The following CFAP46 variants were observed in gnomAD, a reference collection of about 807,000 sequenced individuals.
The protein encoded by CFAP46 is cilia- and flagella-associated protein 46.
A neutral mutation model predicts 325.7 loss-of-function variants in CFAP46; 245 were observed. The observed-to-expected ratio is 0.75, with a 90% CI of 0.68 to 0.84. CFAP46 has a LOEUF of 0.84. Among genes scored for constraint, CFAP46 ranks in the 40% least tolerant of loss-of-function variants. CFAP46 has a pLI of 0.00. For missense variants in CFAP46, 3,346 were observed against 3,543.0 expected (o/e 0.94, Z 1.41); for synonymous variants, 1,523 against 1,495.9 (o/e 1.02, Z -0.42).
intron 50 of CFAP46, among the ~76,000 whole-genome samples, chr10:132,826,930 C>T (rs1793755638): frequency 6.6e-6 from 1 of 152,202 alleles, no homozygotes; most frequent in South Asian, 2.1e-4. Flanking sequence ...GCGAGCTGGG[C>T]TGGGGAAGCA....
rs56965336 is a variant in CFAP46, at chr10:132,831,220, C to CTGTGTGTGTGTGTGTGTGTG, written c.7117+2118_7117+2137dup. On this transcript the variant is annotated intron_variant, in intron 50 of 57. Transcript: ENST00000368586. ...CTTAGGGTATATCTTGTCAAATGTT[C>CTGTGTGTGTGTGTGTGTGTG]TGTGTGTGTGTGTGTGTGTGTGTGT... Among the ~76,000 whole-genome samples, 1,208 of 148,174 alleles carry CTGTGTGTGTGTGTGTGTGTG rather than the reference C, an allele frequency of 8.2e-3. 13 individuals carry two copies. The highest frequency in any genetic ancestry group is 0.041 in the Middle Eastern group (12 of 294).
intron 50 of CFAP46, among the ~76,000 whole-genome samples, chr10:132,819,165 C>G (rs551608366): frequency 6.6e-6 from 1 of 152,024 alleles, no homozygotes; most frequent in East Asian, 1.9e-4. Flanking sequence ...ATCATCAGAA[C>G]GAATAAAATA....
chr10:132,935,411 A>C (rs1344251234), intron 7 of CFAP46, among the ~76,000 whole-genome samples: 52 of 124,928 alleles, frequency 4.2e-4, no homozygotes, highest in African/African-American at 1.2e-3. Flanking sequence ...GCACCCAAAC[A>C]CACTGAGATC....
intron 38 of CFAP46, among the ~76,000 whole-genome samples, chr10:132,858,122 G>A (rs1342385015): frequency 6.6e-6 from 1 of 152,250 alleles, no homozygotes; most frequent in Admixed American, 6.5e-5. Flanking sequence ...TAACAGACAC[G>A]GCTCAGGTCA....
intron 50 of CFAP46, among the ~76,000 whole-genome samples, chr10:132,823,455 TTG>T (rs1224911735): frequency 3.2e-4 from 43 of 136,384 alleles, no homozygotes; most frequent in African/African-American, 1.1e-3. Flanking sequence ...CTGATGTGTG[TTG>T]TGTGTGCTGT....
At chr10:132,929,118 G>A in intron 9 of CFAP46, 1 of 214,282 alleles carries the variant, frequency 4.7e-6, no homozygotes, top group Non-Finnish European at 9.4e-6. Context: ...ACGTGGAGTA[G>A]TCCGAAACCC....
rs576072871 is a variant in CFAP46, at chr10:132,911,449, C to T, written c.2499+1206G>A. On this transcript the variant is annotated intron_variant, in intron 19 of 57. Transcript: ENST00000368586. ...ACAAAGTCTTCCGCAAGGGTGGGGACAGCTCCCCCGCCCCGTGCCCCTGCG... is the reference window on the plus strand; with the variant it reads ...ACAAAGTCTTCCGCAAGGGTGGGGATAGCTCCCCCGCCCCGTGCCCCTGCG... 2.5e-3 allele frequency among the ~76,000 whole-genome samples: 378 copies of T among 152,328 alleles called. 2 individuals carry two copies. The highest frequency in any genetic ancestry group is 8.9e-3 in the African/African-American group (369 of 41,574).
chr10:132,873,498 A>G (rs1848922563), intron 31 of CFAP46, among the ~76,000 whole-genome samples: 1 of 151,946 alleles, frequency 6.6e-6, no homozygotes, highest in Non-Finnish European at 1.5e-5. Flanking sequence ...ATCCAGGGAT[A>G]CGAGCCTGGC....
chr10:132,882,813 G>A (rs1849068847), intron 27 of CFAP46, among the ~76,000 whole-genome samples: 2 of 152,018 alleles, frequency 1.3e-5, no homozygotes, highest in South Asian at 4.1e-4. Context: ...GGGGAAGGAG[G>A]GGAGCAGCTG....
At chr10:132,858,888 G>T (rs1293099132) in intron 38 of CFAP46, among the ~76,000 whole-genome samples, 183 bp downstream of exon 38, 1 of 152,142 alleles carries the variant, frequency 6.6e-6, no homozygotes, top group Non-Finnish European at 1.5e-5. Context: ...CGACGGGGAG[G>T]GCTGGGCATG....
At position 132,915,585 on chromosome 10, in the gene CFAP46, G is replaced by A. The variant is rs912338237; in HGVS notation, c.2120+964C>T. On this transcript the variant is annotated intron_variant, in intron 17 of 57. Transcript: ENST00000368586. ...TGCCCAGCTTCTGCCCCGAGGGACC[G>A]GTGAGGGCGGGGCGCCGTGCCCAGC... Among the ~76,000 whole-genome samples the A allele has an allele frequency of 6.9e-4, 104 of 151,504 alleles. 1 individual carries two copies. Among genetic ancestry groups the A allele is most frequent in the African/African-American group, 2.1e-3 (86 of 41,160 alleles).
chr10:132,878,061 T>G lies in CFAP46; in HGVS notation c.4032A>C (p.Ser1344=), dbSNP rs563980644. Residue 1344 remains serine, a synonymous_variant, in exon 30 of 58, where the codon TCA becomes TCC. Transcript: ENST00000368586. ...WQVSLMTAGK[S]VLENRPLAAT... ...CTGCCAGGGGTCTGTTTTCCAGAACTGATTTTCCTGCTGTCATCAAAGAAA... is the reference window on the plus strand; with the variant it reads ...CTGCCAGGGGTCTGTTTTCCAGAACGGATTTTCCTGCTGTCATCAAAGAAA... 6.5e-7 allele frequency: 1 copy of G among 1,547,462 alleles called. No individual in the cohort carries two copies. Among genetic ancestry groups the G allele is most frequent in the African/African-American group, 1.4e-5 (1 of 72,996 alleles).
At chr10:132,822,013 G>A (rs1218808758) in intron 50 of CFAP46, among the ~76,000 whole-genome samples, 24 of 125,516 alleles carry the variant, frequency 1.9e-4, no homozygotes, top group African/African-American at 6.4e-4. Flanking sequence ...TGTGTGTGCT[G>A]ATGTGTGCTG....
intron 44 of CFAP46, among the ~76,000 whole-genome samples, chr10:132,840,060 T>C (rs1848324841): frequency 6.6e-6 from 1 of 152,224 alleles, no homozygotes; most frequent in Non-Finnish European, 1.5e-5. Context: ...ATTCTTCCAG[T>C]TTTTGGAAGA....
At chr10:132,917,816 G>C (rs934250216) in intron 16 of CFAP46, among the ~76,000 whole-genome samples, 7 of 152,156 alleles carry the variant, frequency 4.6e-5, no homozygotes, top group Non-Finnish European at 8.8e-5. Flanking sequence ...CCCCACAGCA[G>C]GTTGTGTGGA....
chr10:132,918,643 G>A, intron 15 of CFAP46, 123 bp from the exon 16 acceptor site: 1 of 1,289,686 alleles, frequency 7.8e-7, no homozygotes, highest in Non-Finnish European at 1.0e-6. Flanking sequence ...GGTCCGCCAA[G>A]GTGGGCGGGT....
chr10:132,821,541 T>G (rs1461995848), intron 50 of CFAP46, among the ~76,000 whole-genome samples: 2 of 136,300 alleles, frequency 1.5e-5, no homozygotes, highest in African/African-American at 2.9e-5. Context: ...TGTGCTGATG[T>G]GTGCTGTGTG....
In CFAP46 at chr10:132,877,511, G is replaced by A. The variant is rs1848973001; in HGVS notation, c.4212+370C>T. ...GGCTGTGTCTGCTGCCATGGCCTCT[G>A]AGCCTGGCAGACCTGGGACAACGTG... On this transcript the variant is annotated intron_variant, in intron 30 of 57. Coordinates refer to ENST00000368586, the MANE Select transcript of CFAP46 (RefSeq NM_001200049.3). The surrounding 1 kb of genome is among the most constrained non-coding windows in gnomAD (Gnocchi z 5.7). Among the ~76,000 whole-genome samples, 1 of 152,212 alleles carries A rather than the reference G, an allele frequency of 6.6e-6. No homozygotes were observed. Among genetic ancestry groups the A allele is most frequent in the South Asian group, 2.1e-4 (1 of 4,832 alleles).
chr10:132,933,270 T>C (rs1223556226), intron 8 of CFAP46, among the ~76,000 whole-genome samples: 1 of 152,180 alleles, frequency 6.6e-6, no homozygotes, highest in African/African-American at 2.4e-5. Flanking sequence ...ATCACAACAC[T>C]GGCCTCTCCG....
Sources: allele counts gnomAD v4.1 joint callset (sites outside exome capture counted in the v4.1 genomes callset), GRCh38; gene constraint gnomAD v4.1.1; non-coding constraint Gnocchi (gnomAD v3.1); transcripts MANE v1.5; gene names NCBI Gene and HGNC (gene_info 2026-07-23, HGNC 2026-07-21).